The following ACOX1 variants were observed in gnomAD, a reference collection of about 807,000 sequenced individuals.
ACOX1 encodes peroxisomal acyl-coenzyme A oxidase 1.
A neutral mutation model predicts 75.5 loss-of-function variants in ACOX1; 41 were observed. The observed-to-expected ratio is 0.54, with a 90% CI of 0.42 to 0.70. ACOX1 has a LOEUF of 0.70. ACOX1 is among the 30% of genes least tolerant of loss of function. The pLI is 0.00. For missense variants in ACOX1, 630 were observed against 837.5 expected, an observed-to-expected ratio of 0.75 and a Z score of 3.06; for synonymous variants, 303 against 298.8, an observed-to-expected ratio of 1.01 and a Z score of -0.15.
At chr17:75,970,184 CAAAA>C (rs55762557) in intron 2 of ACOX1, among the ~76,000 whole-genome samples, 10 of 69,078 alleles carry the variant, frequency 1.4e-4, no homozygotes, top group African/African-American at 3.6e-4. Flanking sequence ...GAGACTCCTT[CAAAA>C]AAAAAAAAAA....
At chr17:75,954,157 A>G (rs556001015) in intron 6 of ACOX1, among the ~76,000 whole-genome samples, 3 of 151,308 alleles carry the variant, frequency 2.0e-5, no homozygotes, top group Admixed American at 6.6e-5. Flanking sequence ...CGGAGGTTTC[A>G]GTGAGCTGAG....
intron 2 of ACOX1, among the ~76,000 whole-genome samples, chr17:75,963,882 C>T (rs1303724475): frequency 6.9e-6 from 1 of 143,990 alleles, no homozygotes; most frequent in African/African-American, 2.6e-5. Context: ...ACAATCATTT[C>T]AAAATTAAAA....
Position 75,960,291 on chromosome 17 carries a change from C to T in ACOX1, c.354G>A (p.Glu118=), listed in dbSNP as rs750333203. The change falls in exon 3 of 14, where the codon GAG becomes GAA. Residue 118 remains glutamate (E), a synonymous_variant. Transcript: ENST00000293217. This position sits in a 1 kb window ranked among gnomAD's most constrained non-coding sequence, Gnocchi z 4.4. ...CGGGCATGAAGAAGCGCTCCTGCTG[C>T]TCCGCAGTTGCCTGGTGAAGCAAGG... The part of the protein sequence containing the change: ...LPTLLHQATA[E]QQERFFMPAW... 42 of 1,614,210 alleles carry T rather than the reference C, an allele frequency of 2.6e-5. No homozygotes were observed. The South Asian group carries it at 4.5e-4, about 17-fold the overall frequency.
chr17:75,958,622 C>CACGGTGA (rs2065858343), intron 3 of ACOX1, among the ~76,000 whole-genome samples: 1 of 151,572 alleles, frequency 6.6e-6, no homozygotes, highest in Non-Finnish European at 1.5e-5. Context: ...TCCTGGTTAA[C>CACGGTGA]ACGGCGAAAC....
At position 75,943,387 on chromosome 17, in the gene ACOX1, T is replaced by G. The variant is rs1321896980; in HGVS notation, c.*3361A>C. 6.6e-6 allele frequency: 1 copy of G among 151,748 alleles called. No homozygotes were observed. The allele number at this position is 151,748 out of a possible 1,614,324, so 9.4% of individuals were successfully genotyped here. ...TCCAAAAATAAAAAAAAATAAAAAA[T>G]TAGCCAGGTGTGGTGGTGTGCACCA... On this transcript the variant is annotated 3_prime_UTR_variant, in exon 14 of 14. Transcript: ENST00000293217.
intron 13 of ACOX1, among the ~76,000 whole-genome samples, chr17:75,947,560 C>A (rs2065733096): frequency 6.6e-6 from 1 of 152,012 alleles, no homozygotes; most frequent in African/African-American, 2.4e-5. Flanking sequence ...TCAAAATAGT[C>A]CCCAGGAGGA....
In ACOX1 at chr17:75,978,239, C is replaced by A. The variant is rs551010013; in HGVS notation, c.269+295G>T. ...CCTCCCGAGTAGCTGGAACTACAGG[C>A]GCCCGCCACCACGCCCGGCTAATTT... On this transcript the variant is annotated intron_variant, in intron 2 of 13. Coordinates refer to ENST00000293217, the MANE Select transcript of ACOX1 (RefSeq NM_004035.7). This position sits in a 1 kb window ranked among gnomAD's most constrained non-coding sequence, Gnocchi z 4.2. Among the ~76,000 whole-genome samples, 2 of 152,038 alleles carry A rather than the reference C, an allele frequency of 1.3e-5. No individual in the cohort carries two copies. Among genetic ancestry groups the A allele is most frequent in the Admixed American group, 1.3e-4 (2 of 15,268 alleles).
chr17:75,956,963 CTCTCTCTCTATATATATATA>C (rs1567877973), intron 4 of ACOX1, among the ~76,000 whole-genome samples: 73 of 19,100 alleles, frequency 3.8e-3, no homozygotes, highest in South Asian at 5.9e-3. Context: ...CTCTCTCTCT[CTCTCTCTCTATATATATATA>C]TATATATATA....
intron 4 of ACOX1, among the ~76,000 whole-genome samples, chr17:75,956,965 CTCTCTCTATATATATA>C (rs2065835954): frequency 3.5e-3 from 50 of 14,346 alleles, no homozygotes; most frequent in South Asian, 8.0e-3. Flanking sequence ...CTCTCTCTCT[CTCTCTCTATATATATA>C]TATATATATA....
rs886053455 is a variant in ACOX1 at position 75,946,270 on chromosome 17, A to G, written c.*478T>C. 1.1e-5 allele frequency: 2 copies of G among 183,798 alleles called. No individual in the cohort carries two copies. Among genetic ancestry groups the G allele is most frequent in the Non-Finnish European group, 2.3e-5 (2 of 86,776 alleles). The allele number at this position is 183,798 out of a possible 1,614,324, so 11.4% of individuals were successfully genotyped here. A position where few individuals can be genotyped will look rare whatever the true frequency, so the allele number is the denominator to read the frequency against. ...GTTTTCCAATAAGTTTCCTTCCCCC[A>G]GTCCCTTTTCTTCAATCCTGCTTTT... On this transcript the variant is annotated 3_prime_UTR_variant, in exon 14 of 14. Coordinates refer to ENST00000293217, the MANE Select transcript of ACOX1 (RefSeq NM_004035.7).
At chr17:75,963,301 T>C (rs1372283871) in intron 2 of ACOX1, among the ~76,000 whole-genome samples, 1 of 152,004 alleles carries the variant, frequency 6.6e-6, no homozygotes, top group Non-Finnish European at 1.5e-5. Context: ...TGTAAGGAAA[T>C]GGCACTTGTA....
chr17:75,962,075 C>T (rs2065893616), intron 2 of ACOX1, among the ~76,000 whole-genome samples: 1 of 152,082 alleles, frequency 6.6e-6, no homozygotes, highest in Non-Finnish European at 1.5e-5. Context: ...AACCATATTC[C>T]TCACATAGCT....
chr17:75,966,243 G>A (rs933967526), intron 2 of ACOX1, among the ~76,000 whole-genome samples: 1 of 151,702 alleles, frequency 6.6e-6, no homozygotes, highest in African/African-American at 2.4e-5. Flanking sequence ...TGGATCACGG[G>A]GTCAGGAGTT....
In ACOX1 at chr17:75,978,561, T is replaced by C; in HGVS notation, c.242A>G (p.Asp81Gly). ...TTTAAACCACATAATTTCATCAGGGTCAGCGATGCCAAACTCCCTCATCTT... is the reference window on the plus strand; with the variant it reads ...TTTAAACCACATAATTTCATCAGGGCCAGCGATGCCAAACTCCCTCATCTT... Reference protein sequence around the residue: ...VKKMREFGIADPDEIMWFKNF... With the variant: ...VKKMREFGIAGPDEIMWFKNF... The change falls in exon 2 of 14, where the codon GAC (aspartate) becomes GGC (glycine). Residue 81 changes from aspartate to glycine, a missense_variant. By Grantham distance (94) the Asp-to-Gly change is moderately conservative (BLOSUM62 -1). Around this residue, in one of 2 missense-constraint regions of ACOX1, gnomAD observed 390 missense variants for 574.9 expected, o/e 0.68. Coordinates refer to ENST00000293217, the MANE Select transcript of ACOX1 (RefSeq NM_004035.7). The surrounding 1 kb of genome is among the most constrained non-coding windows in gnomAD (Gnocchi z 4.2). The C allele has an allele frequency of 6.2e-7, 1 of 1,614,192 alleles. No individual in the cohort carries two copies. Among genetic ancestry groups the C allele is most frequent in the Non-Finnish European group, 8.5e-7 (1 of 1,180,036 alleles).
intron 7 of ACOX1, among the ~76,000 whole-genome samples, chr17:75,952,408 C>T (rs561999634): frequency 1.3e-5 from 2 of 151,964 alleles, no homozygotes; most frequent in African/African-American, 2.4e-5. Flanking sequence ...GATTCTCCTG[C>T]CTCAGTCTCC....
intron 2 of ACOX1, among the ~76,000 whole-genome samples, chr17:75,962,653 C>A (rs1243155064): frequency 6.6e-6 from 1 of 152,094 alleles, no homozygotes; most frequent in African/African-American, 2.4e-5. Context: ...GCTAAGCAAT[C>A]ACACTTTAGA....
Position 75,972,854 on chromosome 17 carries a change from A to G in ACOX1, c.269+5680T>C, listed in dbSNP as rs371313227. ...ACCAATTCACACACTGAAATCAGCA[A>G]TCAAACACAAAATGATGTTTCCCTG... On this transcript the variant is annotated intron_variant, in intron 2 of 13. Transcript: ENST00000293217. Among the ~76,000 whole-genome samples the G allele has an allele frequency of 4.6e-5, 7 of 152,302 alleles. 1 individual carries two copies. Among genetic ancestry groups the G allele is most frequent in the South Asian group, 4.1e-4 (2 of 4,824 alleles).
At chr17:75,964,328 T>C (rs2065912156) in intron 2 of ACOX1, among the ~76,000 whole-genome samples, 1 of 152,066 alleles carries the variant, frequency 6.6e-6, no homozygotes, top group Non-Finnish European at 1.5e-5. Flanking sequence ...ACTTAGAACC[T>C]GGAAGGTGAA....
chr17:75,974,609 A>G (rs1039921931), intron 2 of ACOX1, among the ~76,000 whole-genome samples: 5 of 152,234 alleles, frequency 3.3e-5, no homozygotes, highest in South Asian at 2.1e-4. Context: ...TTCTCAACAC[A>G]TGATTAGGAA....
Sources: gnomAD v4.1 joint callset for allele counts (sites outside exome capture counted in the v4.1 genomes callset) on GRCh38, gnomAD v4.1.1 for gene constraint, gnomAD v4.1.1 regional missense constraint, Gnocchi (gnomAD v3.1) non-coding constraint, MANE v1.5 for transcripts, NCBI Gene and HGNC (gene_info 2026-07-23, HGNC 2026-07-21) for gene names.